HS6ST3: variants seen among roughly 807,000 people sequenced by gnomAD.
The protein encoded by HS6ST3 is heparan sulfate 6-O-sulfotransferase 3.
HS6ST3 carries 12 observed loss-of-function variants against 36.7 expected under a neutral mutation model. The observed-to-expected ratio is 0.33, with a 90% CI of 0.21 to 0.53. HS6ST3 has a LOEUF of 0.53. HS6ST3 is among the 20% of genes least tolerant of loss of function. The pLI, the probability that HS6ST3 is intolerant of heterozygous loss-of-function variation, is 0.95. For missense variants in HS6ST3, 584 were observed against 640.9 expected, an observed-to-expected ratio of 0.91 and a Z score of 0.96; for synonymous variants, 240 against 257.5, an observed-to-expected ratio of 0.93 and a Z score of 0.65.
chr13:96,649,767 T>G (rs1310875801), intron 1 of HS6ST3, among the ~76,000 whole-genome samples: 1 of 151,906 alleles, frequency 6.6e-6, no homozygotes, highest in Non-Finnish European at 1.5e-5. Context: ...AAAGTAAAAT[T>G]CTTAAAAATA....
At chr13:96,640,741 A>T (rs2139006471) in intron 1 of HS6ST3, among the ~76,000 whole-genome samples, 1 of 152,062 alleles carries the variant, frequency 6.6e-6, no homozygotes, top group Non-Finnish European at 1.5e-5. Flanking sequence ...GTATATGATT[A>T]TAGGTAGGGG....
At chr13:96,116,719 A>G (rs1220324590) in intron 1 of HS6ST3, among the ~76,000 whole-genome samples, 9 of 152,208 alleles carry the variant, frequency 5.9e-5, no homozygotes, top group Admixed American at 6.5e-5. Flanking sequence ...TAAATTTCCA[A>G]TGAATGCCTG....
intron 1 of HS6ST3, among the ~76,000 whole-genome samples, chr13:96,743,684 T>C (rs1876495151): frequency 6.6e-6 from 1 of 152,096 alleles, no homozygotes; most frequent in South Asian, 2.1e-4. Context: ...TGGTCTTTTC[T>C]TTCTTAGATT....
chr13:96,480,864 G>GGA (rs1364457006), intron 1 of HS6ST3, among the ~76,000 whole-genome samples: 1 of 152,168 alleles, frequency 6.6e-6, no homozygotes, highest in African/African-American at 2.4e-5. Flanking sequence ...AGTGTACTCT[G>GGA]GAGCTCACAG....
chr13:96,112,551 G>T (rs1192333482), intron 1 of HS6ST3, among the ~76,000 whole-genome samples: 1 of 119,990 alleles, frequency 8.3e-6, no homozygotes, highest in African/African-American at 3.0e-5. Flanking sequence ...TGGGCAACAT[G>T]ATAAAACCCC....
At chr13:96,784,593 CTAAT>C (rs1426911890) in intron 1 of HS6ST3, among the ~76,000 whole-genome samples, 1 of 152,098 alleles carries the variant, frequency 6.6e-6, no homozygotes, top group Admixed American at 6.6e-5. Context: ...TTTCAAACAA[CTAAT>C]TAGTCAGCTG....
intron 1 of HS6ST3, among the ~76,000 whole-genome samples, chr13:96,519,125 T>G (rs1285239015): frequency 6.6e-6 from 1 of 152,224 alleles, no homozygotes. Context: ...GTTCATTCTC[T>G]TTGCTTTCAG....
intron 1 of HS6ST3, among the ~76,000 whole-genome samples, chr13:96,533,059 A>G (rs1256521842): frequency 6.6e-6 from 1 of 152,198 alleles, no homozygotes; most frequent in African/African-American, 2.4e-5. Flanking sequence ...TGCATACTTA[A>G]TGTGATTTTC....
intron 1 of HS6ST3, among the ~76,000 whole-genome samples, chr13:96,363,827 A>G (rs2055250867): frequency 6.6e-6 from 1 of 152,198 alleles, no homozygotes; most frequent in South Asian, 2.1e-4. Context: ...TATTCTATTC[A>G]GCAAGTTTCA....
chr13:96,338,676 A>G (rs997629603), intron 1 of HS6ST3, among the ~76,000 whole-genome samples: 1 of 152,104 alleles, frequency 6.6e-6, no homozygotes, highest in Non-Finnish European at 1.5e-5. Flanking sequence ...TCCTCCTGCC[A>G]GCTTTGGTGT....
intron 1 of HS6ST3, among the ~76,000 whole-genome samples, chr13:96,301,973 T>G (rs1257641308): frequency 6.7e-6 from 1 of 150,050 alleles, no homozygotes; most frequent in African/African-American, 2.4e-5. Flanking sequence ...ATATCTACCC[T>G]TTTAATTCAT....
At chr13:96,646,714 G>C (rs1179294970) in intron 1 of HS6ST3, among the ~76,000 whole-genome samples, 4 of 151,874 alleles carry the variant, frequency 2.6e-5, no homozygotes, top group African/African-American at 9.7e-5. Context: ...TGAACATGCA[G>C]GTCTCCGTAT....
intron 1 of HS6ST3, among the ~76,000 whole-genome samples, chr13:96,711,585 C>T (rs777117655): frequency 6.6e-6 from 1 of 152,188 alleles, no homozygotes; most frequent in Non-Finnish European, 1.5e-5. Context: ...TCCTGTCCTT[C>T]TATGAACCTC....
At chr13:96,667,776 G>C (rs2056668802) in intron 1 of HS6ST3, among the ~76,000 whole-genome samples, 1 of 152,150 alleles carries the variant, frequency 6.6e-6, no homozygotes, top group Non-Finnish European at 1.5e-5. Context: ...GGACTTGGCT[G>C]TAAAGCCTTA....
chr13:96,445,040 AC>A (rs2055691580), intron 1 of HS6ST3, among the ~76,000 whole-genome samples: 1 of 152,198 alleles, frequency 6.6e-6, no homozygotes, highest in African/African-American at 2.4e-5. Context: ...GTAGTGAATG[AC>A]CTCAGCATAT....
chr13:96,406,887 C>A (rs2055481360), intron 1 of HS6ST3, among the ~76,000 whole-genome samples: 1 of 125,352 alleles, frequency 8.0e-6, no homozygotes, highest in African/African-American at 3.1e-5. Context: ...CCATAATGAC[C>A]CATTTGATCA....
chr13:96,349,254 T>G (rs2055170601), intron 1 of HS6ST3, among the ~76,000 whole-genome samples: 1 of 152,180 alleles, frequency 6.6e-6, no homozygotes, highest in South Asian at 2.1e-4. Context: ...TGTTCTGAAG[T>G]TTTTAGCTTT....
At chr13:96,446,172 C>CA (rs200986173) in intron 1 of HS6ST3, among the ~76,000 whole-genome samples, 204 of 97,654 alleles carry the variant, frequency 2.1e-3, no homozygotes, top group Middle Eastern at 6.9e-3. Context: ...GACTCCATCT[C>CA]AAAAAAAAAA....
At chr13:96,760,566 T>A (rs948364958) in intron 1 of HS6ST3, among the ~76,000 whole-genome samples, 2 of 152,158 alleles carry the variant, frequency 1.3e-5, no homozygotes, top group Admixed American at 6.5e-5. Context: ...TATTAGCGAA[T>A]GTAGGTGTTA....
Sources: gnomAD v4.1 joint callset for allele counts (sites outside exome capture counted in the v4.1 genomes callset) on GRCh38, gnomAD v4.1.1 for gene constraint, MANE v1.5 for transcripts, NCBI Gene and HGNC (gene_info 2026-07-23, HGNC 2026-07-21) for gene names.